The following TRAPPC4 variants were observed in gnomAD, a reference collection of about 807,000 sequenced individuals.
TRAPPC4 encodes the protein TRS23 homolog.
In TRAPPC4, 30 loss-of-function variants were observed where a neutral mutation model predicts 23.5. The ratio of observed to expected loss-of-function variants is 1.28; its 90% confidence interval spans 0.96 to 1.73. The LOEUF (loss-of-function observed/expected upper bound fraction) is 1.73, where lower values mean the gene tolerates loss of function less well. TRAPPC4 is among the 40% of genes most tolerant of loss of function. The pLI is 0.00. For missense variants in TRAPPC4, 252 were observed against 268.9 expected, an observed-to-expected ratio of 0.94 and a Z score of 0.44; for synonymous variants, 129 against 105.3, an observed-to-expected ratio of 1.23 and a Z score of -1.38.
rs1017023792 is a variant in TRAPPC4, at chr11:119,023,538, T to C, written c.*139T>C. On this transcript the variant is annotated 3_prime_UTR_variant, in exon 5 of 5. Coordinates refer to ENST00000533632, the MANE Select transcript of TRAPPC4 (RefSeq NM_016146.6). The stretch of plus-strand genomic sequence containing the variant: ...TGCTGACCCTGATGACTTGTACTGA[T>C]TCCTGAGCCTTAACACTGTGCTCTT... The C allele has an allele frequency of 1.4e-6, 1 of 735,334 alleles. No individual in the cohort carries two copies. Among genetic ancestry groups the C allele is most frequent in the Non-Finnish European group, 2.4e-6 (1 of 421,118 alleles). 45.6% of individuals were successfully genotyped at this position (735,334 alleles called of 1,614,324 possible).
intron 4 of TRAPPC4, chr11:119,023,067 C>T (rs909182824): frequency 3.0e-5 from 8 of 268,470 alleles, no homozygotes; most frequent in Non-Finnish European, 5.1e-5. Context: ...CGGGTTCAGG[C>T]GATTCTTTTG....
intron 1 of TRAPPC4, 84 bp downstream of exon 1, chr11:119,019,054 TGGG>T: frequency 6.3e-7 from 1 of 1,587,830 alleles, no homozygotes; most frequent in Non-Finnish European, 8.6e-7. Context: ...GGTGCGGGGT[TGGG>T]GGAAAAGGGG....
At chr11:119,021,707 C>A in intron 3 of TRAPPC4, 53 bp from the exon 4 acceptor site, 1 of 1,601,230 alleles carries the variant, frequency 6.2e-7, no homozygotes, top group East Asian at 2.2e-5. Context: ...TACAGGATGA[C>A]ACTATTTGCT....
At chr11:119,021,709 C>CT (rs1943362313) in intron 3 of TRAPPC4, 51 bp from the exon 4 acceptor site, 1 of 1,603,744 alleles carries the variant, frequency 6.2e-7, no homozygotes, top group East Asian at 2.2e-5. Flanking sequence ...CAGGATGACA[C>CT]TATTTGCTCC....
chr11:119,020,411 G>A, intron 3 of TRAPPC4, 158 bp downstream of exon 3: 1 of 581,188 alleles, frequency 1.7e-6, no homozygotes, highest in Non-Finnish European at 3.1e-6. Flanking sequence ...GAGGGGGTGT[G>A]CTTTTCCTGG....
At chr11:119,023,097 T>C in intron 4 of TRAPPC4, 1 of 382,238 alleles carries the variant, frequency 2.6e-6, no homozygotes. Context: ...CCGGAGTAGC[T>C]GGGATTACAG....
At chr11:119,020,109 G>A (rs1223212992) in intron 2 of TRAPPC4, 41 bp from the exon 3 acceptor site, 1 of 1,464,582 alleles carries the variant, frequency 6.8e-7, no homozygotes, top group Non-Finnish European at 9.5e-7. Flanking sequence ...AGTTTGAGAA[G>A]CACTCCTTCC....
intron 2 of TRAPPC4, 165 bp from the exon 3 acceptor site, chr11:119,019,985 G>T (rs1943301164): frequency 1.9e-6 from 1 of 536,418 alleles, no homozygotes; most frequent in Non-Finnish European, 3.3e-6. Context: ...AATATTCACA[G>T]AATTCAAATG....
intron 1 of TRAPPC4, 66 bp from the exon 2 acceptor site, chr11:119,019,077 G>C (rs1026438870): frequency 6.3e-7 from 1 of 1,592,676 alleles, no homozygotes; most frequent in South Asian, 1.1e-5. Flanking sequence ...GTTGTGTCGG[G>C]TCCCTTGTCC....
rs1943366050 is a variant in TRAPPC4, at chr11:119,021,813, C to CT, written c.509dup (p.Arg171ProfsTer5). 6.2e-7 allele frequency: 1 copy of CT among 1,613,962 alleles called. No individual in the cohort carries two copies. The highest frequency in any genetic ancestry group is 1.3e-5 in the African/African-American group (1 of 74,906). Reference sequence around the variant, plus strand: ...TAGGCAAGCTGGAATAGATTCTCTTCTCCGAAAGATTTATGAGATTTACTC... The same window carrying CT: ...TAGGCAAGCTGGAATAGATTCTCTTCTTCCGAAAGATTTATGAGATTTACTC... On this transcript the variant is annotated frameshift_variant, in exon 4 of 5. Coordinates refer to ENST00000533632, the MANE Select transcript of TRAPPC4 (RefSeq NM_016146.6). LOFTEE classifies it high-confidence loss of function.
intron 2 of TRAPPC4, chr11:119,019,737 G>A (rs914196178): frequency 3.1e-4 from 59 of 192,314 alleles, no homozygotes; most frequent in Non-Finnish European, 1.9e-4. Flanking sequence ...CACCGCGCCC[G>A]GCCGAGGTGT....
chr11:119,019,578 A>G (rs1565679813), intron 2 of TRAPPC4: 3 of 421,920 alleles, frequency 7.1e-6, no homozygotes, highest in Non-Finnish European at 4.3e-6. Context: ...AGTAGCTGGG[A>G]TTACAGGCGC....
rs782661373 is a variant in TRAPPC4 at position 119,023,431 on chromosome 11, G to A, written c.*32G>A. The A allele has an allele frequency of 6.2e-7, 1 of 1,604,954 alleles. No homozygotes were observed. Among genetic ancestry groups the A allele is most frequent in the Non-Finnish European group, 8.5e-7 (1 of 1,171,866 alleles). Reference sequence around the variant, plus strand: ...CCTGTTATGGACCCCCAAATTCTGAGAGTTCCTGCAACAAGAATACTGCTG... The same window carrying A: ...CCTGTTATGGACCCCCAAATTCTGAAAGTTCCTGCAACAAGAATACTGCTG... On this transcript the variant is annotated 3_prime_UTR_variant, in exon 5 of 5. Coordinates refer to ENST00000533632, the MANE Select transcript of TRAPPC4 (RefSeq NM_016146.6).
At chr11:119,023,138 T>C in intron 4 of TRAPPC4, 183 bp from the exon 5 acceptor site, 1 of 488,762 alleles carries the variant, frequency 2.0e-6, no homozygotes, top group Non-Finnish European at 3.8e-6. Context: ...CTAATTTTTG[T>C]ATTTTTAGTA....
At chr11:119,022,574 C>T (rs966355633) in intron 4 of TRAPPC4, among the ~76,000 whole-genome samples, 3 of 151,378 alleles carry the variant, frequency 2.0e-5, no homozygotes, top group African/African-American at 7.3e-5. Flanking sequence ...GGCAACAGAA[C>T]AAGACCGTGT....
At chr11:119,022,162 C>T (rs58955701) in intron 4 of TRAPPC4, among the ~76,000 whole-genome samples, 38,995 of 151,964 alleles carry the variant, frequency 0.26, 5,430 homozygotes, top group African/African-American at 0.36. Context: ...TTTCATGTTT[C>T]TAGTAAAGAC....
In TRAPPC4 at chr11:119,023,771, TAACA is replaced by T. The variant is rs1464009731; in HGVS notation, c.*375_*378del. The T allele has an allele frequency of 6.0e-6, 1 of 167,278 alleles. No homozygotes were observed. Among genetic ancestry groups the T allele is most frequent in the African/African-American group, 2.4e-5 (1 of 42,104 alleles). The allele number at this position is 167,278 out of a possible 1,614,324, so 10.4% of individuals were successfully genotyped here. On this transcript the variant is annotated 3_prime_UTR_variant, in exon 5 of 5. Transcript: ENST00000533632. ...GATGATTATGTGCTAGTAAAAAACA[TAACA>T]AATATGTGTTCATTAAATAAATGAA...
At position 119,018,774 on chromosome 11, in the gene TRAPPC4, G is replaced by C. The variant is rs782317336; in HGVS notation, c.-22G>C. ...GCCGTCGGGTAGAGGCTGAATACCAGTTTCCGAGCGGCAAGGCAGCGATGG... is the reference window on the plus strand; with the variant it reads ...GCCGTCGGGTAGAGGCTGAATACCACTTTCCGAGCGGCAAGGCAGCGATGG... On this transcript the variant is annotated 5_prime_UTR_variant, in exon 1 of 5. Transcript: ENST00000533632. 6.2e-7 allele frequency: 1 copy of C among 1,609,754 alleles called. No individual in the cohort carries two copies. Among genetic ancestry groups the C allele is most frequent in the African/African-American group, 1.3e-5 (1 of 74,786 alleles).
At chr11:119,022,625 C>T (rs1943398002) in intron 4 of TRAPPC4, among the ~76,000 whole-genome samples, 1 of 151,816 alleles carries the variant, frequency 6.6e-6, no homozygotes, top group South Asian at 2.1e-4. Context: ...TGCAGTGGCT[C>T]ACGCCTGTAA....
Sources: gnomAD v4.1 joint callset for allele counts (sites outside exome capture counted in the v4.1 genomes callset) on GRCh38, gnomAD v4.1.1 for gene constraint, MANE v1.5 for transcripts, NCBI Gene and HGNC (gene_info 2026-07-23, HGNC 2026-07-21) for gene names.